The following HAUS3 variants were observed in gnomAD, a reference collection of about 807,000 sequenced individuals.
HAUS3 encodes HAUS augmin-like complex subunit 3.
Under a neutral mutation model 55.2 loss-of-function variants are expected in HAUS3, and 36 were observed. The ratio of observed to expected loss-of-function variants is 0.65; its 90% confidence interval spans 0.50 to 0.86. The LOEUF is 0.86. HAUS3 is among the 40% of genes least tolerant of loss of function. The probability of loss-of-function intolerance (pLI) is 0.00; values close to 1 mark genes in which losing one functional copy is unlikely to be tolerated. For missense variants in HAUS3, 752 were observed against 671.5 expected (o/e 1.12, Z -1.33); for synonymous variants, 234 against 238.6 (o/e 0.98, Z 0.18).
Position 2,238,869 on chromosome 4 carries a change from T to C in HAUS3, c.1084A>G (p.Lys362Glu), listed in dbSNP as rs1170904312. 4.3e-6 allele frequency: 7 copies of C among 1,613,342 alleles called. No individual in the cohort carries two copies. Among genetic ancestry groups the C allele is most frequent in the Non-Finnish European group, 5.9e-6 (7 of 1,179,642 alleles). The change falls in exon 4 of 6, where the codon AAA (lysine) becomes GAA (glutamate). Residue 362 changes from lysine to glutamate, a missense_variant. Physicochemically the swap from Lys to Glu is moderately conservative, Grantham distance 56. Coordinates refer to ENST00000443786, the MANE Select transcript of HAUS3 (RefSeq NM_001303143.2). ...TGTCTTGCTGTATAATAATCTTGTT[T>C]AGCAATCTGCAGATCAAAATCTCCC... ...VKGDFDLQIAKQDYYTARQEL... is the reference protein window; with the variant it reads ...VKGDFDLQIAEQDYYTARQEL...
rs748859014 is a variant in HAUS3 at position 2,232,161 on chromosome 4, C to T, written c.1579-1G>A. ...CTTTATGAAACTGCTCTGTTAACTC[C>T]TAAAAAAGGAAAATAAAAATAAAAA... On this transcript the variant is annotated splice_acceptor_variant, in intron 5 of 5. Transcript: ENST00000443786. LOFTEE classifies it high-confidence loss of function. 7.3e-7 allele frequency: 1 copy of T among 1,370,148 alleles called. No individual in the cohort carries two copies. Among genetic ancestry groups the T allele is most frequent in the Non-Finnish European group, 9.9e-7 (1 of 1,005,150 alleles). 84.9% of individuals were successfully genotyped at this position (1,370,148 alleles called of 1,614,324 possible).
chr4:2,231,722 C>T lies in HAUS3; in HGVS notation c.*205G>A, dbSNP rs1444191019. The T allele has an allele frequency of 7.3e-6, 3 of 410,466 alleles. No individual in the cohort carries two copies. The highest frequency in any genetic ancestry group is 1.3e-5 in the Non-Finnish European group (3 of 228,698). The allele number at this position is 410,466 out of a possible 1,614,324, so 25.4% of individuals were successfully genotyped here. Reference sequence around the variant, plus strand: ...AGTAAAAAATTACCAGGACTAAGTACCACTAAACACATGCTCAAGTCATAA... The same window carrying T: ...AGTAAAAAATTACCAGGACTAAGTATCACTAAACACATGCTCAAGTCATAA... On this transcript the variant is annotated 3_prime_UTR_variant, in exon 6 of 6. Coordinates refer to ENST00000443786, the MANE Select transcript of HAUS3 (RefSeq NM_001303143.2).
rs1313160159 is a variant in HAUS3 at position 2,238,479 on chromosome 4, TAG to T, written c.1349+123_1349+124del. 1.2e-5 allele frequency: 6 copies of T among 515,516 alleles called. No individual in the cohort carries two copies. The African/African-American group carries it at 1.2e-4, about 11-fold the overall frequency. The allele number at this position is 515,516 out of a possible 1,614,324, so 31.9% of individuals were successfully genotyped here. On this transcript the variant is annotated intron_variant, in intron 4 of 5. Transcript: ENST00000443786. ...AAGGCATATGAAAATGGAAAAAAAA[TAG>T]AAAGGCCAAAAGTGAAATGCAAAGA... is the stretch of plus-strand genomic sequence containing the variant.
Position 2,232,016 on chromosome 4 carries a change from A to T in HAUS3, c.1723T>A (p.Tyr575Asn). The change falls in exon 6 of 6, where the codon TAT (tyrosine) becomes AAT (asparagine). Residue 575 changes from tyrosine to asparagine, a missense_variant. Transcript: ENST00000443786. ...LHQMEREFYV[Y>N]FLKDEDYLKD... ...AGATAATCTTCATCTTTTAAAAAAT[A>T]TACATAGAATTCTCTTTCCATTTGA... 1 of 1,505,886 alleles carries T rather than the reference A, an allele frequency of 6.6e-7. No homozygotes were observed. The highest frequency in any genetic ancestry group is 9.2e-7 in the Non-Finnish European group (1 of 1,088,614). The allele number at this position is 1,505,886 out of a possible 1,614,324, so 93.3% of individuals were successfully genotyped here.
At chr4:2,237,742 A>G (rs1560105178) in intron 4 of HAUS3, among the ~76,000 whole-genome samples, 1 of 152,256 alleles carries the variant, frequency 6.6e-6, no homozygotes, top group Admixed American at 6.5e-5. Flanking sequence ...TGTAAAATAT[A>G]AAAATAAATG....
At chr4:2,232,423 T>C (rs1044563433) in intron 5 of HAUS3, among the ~76,000 whole-genome samples, 7 of 152,206 alleles carry the variant, frequency 4.6e-5, no homozygotes, top group Admixed American at 3.9e-4. Context: ...AGCTGTTCTG[T>C]GCATTCATAT....
Position 2,241,947 on chromosome 4 carries a change from C to G in HAUS3, c.-419+104G>C, listed in dbSNP as rs1735005654. On this transcript the variant is annotated intron_variant, in intron 1 of 5. Transcript: ENST00000443786. ...TGCTGGAGCACCTGGAAGGAGCCCC[C>G]AGGAGCGCAGGAAAAAAAAGAGGCA... 3.0e-6 allele frequency: 3 copies of G among 985,430 alleles called. No individual in the cohort carries two copies. The African/African-American group carries it at 5.2e-5, about 17-fold the overall frequency. 61.0% of individuals were successfully genotyped at this position (985,430 alleles called of 1,614,324 possible).
Position 2,240,129 on chromosome 4 carries a change from T to C in HAUS3, c.818A>G (p.Gln273Arg). Residue 273 changes from glutamine (Q) to arginine (R), a missense_variant, in exon 3 of 6, where the codon CAA (glutamine) becomes CGA (arginine). By Grantham distance (43) the Gln-to-Arg change is conservative. Coordinates refer to ENST00000443786, the MANE Select transcript of HAUS3 (RefSeq NM_001303143.2). Reference sequence around the variant, plus strand: ...TGCTTTTAAGTGAATTAACTGATGTTGAGCACAAATGTATGCGAGCTGCAG... The same window carrying C: ...TGCTTTTAAGTGAATTAACTGATGTCGAGCACAAATGTATGCGAGCTGCAG... ...ARLQLAYICA[Q>R]HQLIHLKASN... 6.2e-7 allele frequency: 1 copy of C among 1,613,886 alleles called. No individual in the cohort carries two copies. Among genetic ancestry groups the C allele is most frequent in the Non-Finnish European group, 8.5e-7 (1 of 1,179,776 alleles).
In HAUS3 at chr4:2,236,461, A is replaced by T. The variant is rs114004493; in HGVS notation, c.1350-5T>A. On this transcript the variant is annotated splice_polypyrimidine_tract_variant and splice_region_variant and intron_variant, in intron 4 of 5. Transcript: ENST00000443786. ...CCCTCCAAAACTTGGTAAAGCCTGA[A>T]ATGTAAAAATTAAAATTATAGGGAA... is the stretch of plus-strand genomic sequence containing the variant. 4 of 1,581,326 alleles carry T rather than the reference A, an allele frequency of 2.5e-6. No homozygotes were observed. The highest frequency in any genetic ancestry group is 3.5e-6 in the Non-Finnish European group (4 of 1,152,696).
chr4:2,237,243 C>T (rs1225104188), intron 4 of HAUS3, among the ~76,000 whole-genome samples: 2 of 151,298 alleles, frequency 1.3e-5, no homozygotes, highest in Non-Finnish European at 2.9e-5. Flanking sequence ...CCAGACTTGG[C>T]AACATATTGA....
chr4:2,238,719 G>C lies in HAUS3; in HGVS notation c.1234C>G (p.Leu412Val). Residue 412 changes from leucine to valine, a missense_variant, in exon 4 of 6, where the codon CTT (leucine) becomes GTT (valine). Physicochemically the swap from Leu to Val is conservative, Grantham distance 32 (BLOSUM62 1). Coordinates refer to ENST00000443786, the MANE Select transcript of HAUS3 (RefSeq NM_001303143.2). ...YRQLENLVQELSQSNMMLYKQ... is the reference protein window; with the variant it reads ...YRQLENLVQEVSQSNMMLYKQ... Reference sequence around the variant, plus strand: ...TAGAGCATCATGTTACTTTGACTAAGTTCTTGAACCAAATTTTCAAGTTGA... The same window carrying C: ...TAGAGCATCATGTTACTTTGACTAACTTCTTGAACCAAATTTTCAAGTTGA... The C allele has an allele frequency of 6.2e-7, 1 of 1,613,460 alleles. No homozygotes were observed. The highest frequency in any genetic ancestry group is 8.5e-7 in the Non-Finnish European group (1 of 1,179,562).
In HAUS3 at chr4:2,240,257, A is replaced by G; in HGVS notation, c.690T>C (p.Val230=). The G allele has an allele frequency of 6.2e-7, 1 of 1,613,826 alleles. No homozygotes were observed. Among genetic ancestry groups the G allele is most frequent in the African/African-American group, 1.3e-5 (1 of 75,044 alleles). ...GAAAATTGTCTTCATTTGAACTTTCAACTACTTCATGTATACCCTGAAAGA... is the reference window on the plus strand; with the variant it reads ...GAAAATTGTCTTCATTTGAACTTTCGACTACTTCATGTATACCCTGAAAGA... ...KQFFQGIHEV[V]ESSNEDNFQL... The change falls in exon 3 of 6, where the codon GTT becomes GTC. Residue 230 remains valine, a synonymous_variant. Transcript: ENST00000443786.
rs370289986 is a variant in HAUS3, at chr4:2,240,956, T to C, written c.-10A>G. The C allele has an allele frequency of 2.7e-5, 42 of 1,576,444 alleles. No individual in the cohort carries two copies. Among genetic ancestry groups the C allele is most frequent in the Non-Finnish European group, 3.6e-5 (42 of 1,171,854 alleles). On this transcript the variant is annotated 5_prime_UTR_variant, in exon 3 of 6. Coordinates refer to ENST00000443786, the MANE Select transcript of HAUS3 (RefSeq NM_001303143.2). ...CATTTCCACAACTCATGGTTTTAAC[T>C]ACCCCAATTTTGTTGTATCTGATAT... is the stretch of plus-strand genomic sequence containing the variant.
intron 3 of HAUS3, among the ~76,000 whole-genome samples, chr4:2,239,488 G>C (rs564147790): frequency 6.6e-6 from 1 of 152,296 alleles, no homozygotes; most frequent in African/African-American, 2.4e-5. Context: ...ACTTGGTGCT[G>C]ATATTCTGAT....
Position 2,229,537 on chromosome 4 carries a change from C to T in HAUS3, c.*2390G>A, listed in dbSNP as rs1734501685. On this transcript the variant is annotated 3_prime_UTR_variant, in exon 6 of 6. Transcript: ENST00000443786. ...GGTTTGAAAAATGTTATTAAATCTT[C>T]AAATAGGCTGAGCGCGGAAGCTCAT... The T allele has an allele frequency of 5.0e-6, 1 of 200,200 alleles. No individual in the cohort carries two copies. The highest frequency in any genetic ancestry group is 1.3e-4 in the East Asian group (1 of 7,786). The allele number at this position is 200,200 out of a possible 1,614,324, so 12.4% of individuals were successfully genotyped here.
chr4:2,241,206 C>A, intron 2 of HAUS3, 113 bp from the exon 3 acceptor site: 1 of 365,068 alleles, frequency 2.7e-6, no homozygotes, highest in Non-Finnish European at 4.9e-6. Context: ...GACAGGTAGT[C>A]GTAGCTGCAA....
At chr4:2,234,198 C>CT (rs1463245383) in intron 5 of HAUS3, 1 of 152,074 alleles carries the variant, frequency 6.6e-6, no homozygotes, top group Non-Finnish European at 1.5e-5. Context: ...TTTCATCATG[C>CT]TAAGTAAAAA....
At chr4:2,234,705 G>A (rs1376339771) in intron 5 of HAUS3, among the ~76,000 whole-genome samples, 1 of 152,086 alleles carries the variant, frequency 6.6e-6, no homozygotes, top group Non-Finnish European at 1.5e-5. Flanking sequence ...ATTAATATTA[G>A]ACAAAACAAT....
At chr4:2,235,832 CTCTTTGAGGATGAGAG>C (rs1734743429) in intron 5 of HAUS3, among the ~76,000 whole-genome samples, 2 of 151,976 alleles carry the variant, frequency 1.3e-5, no homozygotes, top group Non-Finnish European at 2.9e-5. Context: ...ATGGTAGTCA[CTCTTTGAGGATGAGAG>C]AGGAATTATA....
Sources: allele counts gnomAD v4.1 joint callset (sites outside exome capture counted in the v4.1 genomes callset), GRCh38; gene constraint gnomAD v4.1.1; transcripts MANE v1.5; gene names NCBI Gene and HGNC (gene_info 2026-07-23, HGNC 2026-07-21).